VAT1L: variants seen among roughly 807,000 people sequenced by gnomAD.
The protein encoded by VAT1L is vesicle amine transport 1 like.
VAT1L carries 34 observed loss-of-function variants against 44.1 expected under a neutral mutation model. The observed-to-expected ratio is 0.77, with a 90% confidence interval of 0.59 to 1.03. VAT1L has a LOEUF of 1.03. VAT1L is among the 50% of genes least tolerant of loss of function. VAT1L has a pLI of 0.00. For missense variants in VAT1L, 615 were observed against 538.8 expected (o/e 1.14, Z -1.40); for synonymous variants, 253 against 202.2 (o/e 1.25, Z -2.13).
intron 7 of VAT1L, among the ~76,000 whole-genome samples, chr16:77,940,717 A>G (rs1414402673): frequency 1.3e-5 from 2 of 152,144 alleles, no homozygotes; most frequent in Non-Finnish European, 2.9e-5. Context: ...TAATTAATTT[A>G]AAAATAATAG....
intron 2 of VAT1L, among the ~76,000 whole-genome samples, chr16:77,824,321 G>A (rs913731950): frequency 6.6e-5 from 10 of 152,336 alleles, no homozygotes; most frequent in African/African-American, 2.4e-4. Context: ...CTGGAGAGGA[G>A]AGGGTAGTGG....
intron 2 of VAT1L, among the ~76,000 whole-genome samples, chr16:77,823,557 T>C (rs2016485154): frequency 6.6e-6 from 1 of 152,170 alleles, no homozygotes; most frequent in Admixed American, 6.5e-5. Context: ...CTGTATGTCA[T>C]TAGGCAAGAT....
chr16:77,796,194 C>T (rs1297270251), intron 1 of VAT1L, among the ~76,000 whole-genome samples: 1 of 152,074 alleles, frequency 6.6e-6, no homozygotes, highest in Non-Finnish European at 1.5e-5. Context: ...ATAGAACATT[C>T]GACATATACT....
intron 7 of VAT1L, among the ~76,000 whole-genome samples, chr16:77,934,338 C>G (rs188732299): frequency 2.0e-5 from 3 of 152,110 alleles, no homozygotes; most frequent in Non-Finnish European, 4.4e-5. Flanking sequence ...CTGTTCTAAT[C>G]CCTTGGACCT....
intron 7 of VAT1L, among the ~76,000 whole-genome samples, chr16:77,912,307 G>A (rs1381718469): frequency 6.6e-6 from 1 of 152,166 alleles, no homozygotes; most frequent in Non-Finnish European, 1.5e-5. Flanking sequence ...TAAAGCGCCT[G>A]GGATTGAGTC....
At chr16:77,802,872 C>A (rs1451409705) in intron 1 of VAT1L, among the ~76,000 whole-genome samples, 1 of 152,008 alleles carries the variant, frequency 6.6e-6, no homozygotes, top group Non-Finnish European at 1.5e-5. Flanking sequence ...GGAGTAAATC[C>A]TTGCTTTTTT....
chr16:77,885,698 T>C (rs1318275426), intron 7 of VAT1L, among the ~76,000 whole-genome samples: 2 of 152,156 alleles, frequency 1.3e-5, no homozygotes, highest in African/African-American at 2.4e-5. Flanking sequence ...AAGTACTTTG[T>C]TGTACTTTTG....
chr16:77,939,623 C>G (rs1253268057), intron 7 of VAT1L, among the ~76,000 whole-genome samples: 3 of 152,130 alleles, frequency 2.0e-5, no homozygotes, highest in Admixed American at 6.5e-5. Flanking sequence ...ACAAGAAAAT[C>G]TCAAACCCTC....
chr16:77,935,649 G>T (rs552627978), intron 7 of VAT1L, among the ~76,000 whole-genome samples: 1 of 152,080 alleles, frequency 6.6e-6, no homozygotes, highest in South Asian at 2.1e-4. Flanking sequence ...AGAGAGAAGG[G>T]GAAAATGTGG....
intron 7 of VAT1L, among the ~76,000 whole-genome samples, chr16:77,894,913 G>A (rs2017306146): frequency 6.6e-6 from 1 of 152,046 alleles, no homozygotes. Flanking sequence ...TCCTAGCTGT[G>A]TGGCCTCAGA....
rs577323578 is a variant in VAT1L at position 77,870,193 on chromosome 16, C to T, written c.723-6177C>T. Among the ~76,000 whole-genome samples the T allele has an allele frequency of 7.2e-4, 110 of 152,282 alleles. 2 individuals carry two copies. The highest frequency in any genetic ancestry group is 1.8e-3 in the African/African-American group (75 of 41,568). ...TGCTTGGCACTCTGTAAGAAGCCTACCGTAGAGTAGGCATTGTGTCCAGTC... is the reference window on the plus strand; with the variant it reads ...TGCTTGGCACTCTGTAAGAAGCCTATCGTAGAGTAGGCATTGTGTCCAGTC... On this transcript the variant is annotated intron_variant, in intron 4 of 8. Transcript: ENST00000302536.
At position 77,884,637 on chromosome 16, in the gene VAT1L, C is replaced by T. The variant is rs2017190182; in HGVS notation, c.912C>T (p.Ile304=). The change falls in exon 7 of 9, where the codon ATC becomes ATT. Residue 304 remains isoleucine, a synonymous_variant. Transcript: ENST00000302536. This position sits in a 1 kb window ranked among gnomAD's most constrained non-coding sequence, Gnocchi z 4.5. ...SWWQVEKVNP[I]KLYEENKVIA... ...GGCAGGTGGAGAAGGTGAACCCCAT[C>T]AAGCTGTATGAGGAGAACAAAGTCA... 1 of 1,613,582 alleles carries T rather than the reference C, an allele frequency of 6.2e-7. No individual in the cohort carries two copies.
At chr16:77,953,632 C>G (rs1272886555) in intron 7 of VAT1L, among the ~76,000 whole-genome samples, 2 of 152,124 alleles carry the variant, frequency 1.3e-5, no homozygotes, top group Non-Finnish European at 2.9e-5. Context: ...TCTCGAACTC[C>G]TGGGGGCTCA....
intron 3 of VAT1L, among the ~76,000 whole-genome samples, chr16:77,853,155 C>G (rs915334266): frequency 6.6e-6 from 1 of 152,160 alleles, no homozygotes; most frequent in African/African-American, 2.4e-5. Context: ...CTGTGACAGG[C>G]TAGGAAAACC....
chr16:77,954,919 G>C (rs1418648710), intron 7 of VAT1L, among the ~76,000 whole-genome samples: 1 of 152,160 alleles, frequency 6.6e-6, no homozygotes, highest in South Asian at 2.1e-4. Context: ...TTTTTTTAAA[G>C]ATCAACTCCA....
intron 1 of VAT1L, chr16:77,801,079 T>G (rs995411705): frequency 1.3e-5 from 2 of 152,236 alleles, no homozygotes; most frequent in Non-Finnish European, 2.9e-5. Context: ...TCTGCCCACC[T>G]TGACCTACCA....
intron 4 of VAT1L, among the ~76,000 whole-genome samples, chr16:77,871,362 G>A (rs947528104): frequency 6.6e-6 from 1 of 152,092 alleles, no homozygotes; most frequent in Non-Finnish European, 1.5e-5. Flanking sequence ...AGGCATGGAC[G>A]GGGGCAGGTG....
At chr16:77,948,778 T>A (rs563217046) in intron 7 of VAT1L, among the ~76,000 whole-genome samples, 5 of 152,326 alleles carry the variant, frequency 3.3e-5, no homozygotes, top group African/African-American at 1.2e-4. Flanking sequence ...CATACTATGT[T>A]TATGACCTTA....
intron 7 of VAT1L, among the ~76,000 whole-genome samples, chr16:77,921,276 A>T (rs1313825677): frequency 6.6e-6 from 1 of 152,156 alleles, no homozygotes; most frequent in East Asian, 1.9e-4. Context: ...CTGACTCCTC[A>T]TGGAATTGCT....
Sources: gnomAD v4.1 joint callset for allele counts (sites outside exome capture counted in the v4.1 genomes callset) on GRCh38, gnomAD v4.1.1 for gene constraint, Gnocchi (gnomAD v3.1) non-coding constraint, MANE v1.5 for transcripts, NCBI Gene and HGNC (gene_info 2026-07-23, HGNC 2026-07-21) for gene names.